ATP10B: variants seen among roughly 807,000 people sequenced by gnomAD.
ATP10B encodes phospholipid-transporting ATPase VB.
ATP10B carries 122 observed loss-of-function variants against 141.2 expected under a neutral mutation model. That is an observed-to-expected ratio of 0.86 (90% CI 0.75 to 1.00). ATP10B has a LOEUF of 1.00. Among genes scored for constraint, ATP10B ranks in the 50% least tolerant of loss-of-function variants. The pLI, the probability that ATP10B is intolerant of heterozygous loss-of-function variation, is 0.00. For missense variants in ATP10B, 1,876 were observed against 1,825.3 expected (o/e 1.03, Z -0.51); for synonymous variants, 685 against 692.0 (o/e 0.99, Z 0.16).
chr5:160,909,441 T>C, the ATP10B span, among the ~76,000 whole-genome samples: 5 of 152,332 alleles, frequency 3.3e-5, no homozygotes, highest in South Asian at 1.0e-3. Context: ...TGCCATGGTA[T>C]GGTCCCTGAC....
the ATP10B span, among the ~76,000 whole-genome samples, chr5:160,894,623 A>T: frequency 7.2e-5 from 11 of 152,156 alleles, no homozygotes; most frequent in Non-Finnish European, 1.5e-4. Context: ...ACGTTGGAAA[A>T]CACTCTTCAG....
the ATP10B span, among the ~76,000 whole-genome samples, chr5:160,917,353 A>G: frequency 2.7e-4 from 40 of 150,934 alleles, no homozygotes; most frequent in South Asian, 4.6e-3. Flanking sequence ...GTTATCAGAC[A>G]AGGACACAGT....
At chr5:160,605,159 T>C (rs1757311321) in intron 19 of ATP10B, among the ~76,000 whole-genome samples, 1 of 152,188 alleles carries the variant, frequency 6.6e-6, no homozygotes, top group Non-Finnish European at 1.5e-5. Flanking sequence ...CTTCATTCTT[T>C]TCCTGGCCCT....
intron 2 of ATP10B, among the ~76,000 whole-genome samples, chr5:160,765,549 T>C (rs546458193): frequency 6.6e-6 from 1 of 152,284 alleles, no homozygotes; most frequent in Admixed American, 6.5e-5. Context: ...TCTTATCTTA[T>C]ACAAAAATCA....
intron 2 of ATP10B, among the ~76,000 whole-genome samples, chr5:160,765,782 A>G (rs1769359734): frequency 6.6e-6 from 1 of 152,208 alleles, no homozygotes; most frequent in Non-Finnish European, 1.5e-5. Flanking sequence ...ACAGAGTGGG[A>G]GAAAATATTC....
At chr5:160,833,942 T>C (rs1346049560) in intron 1 of ATP10B, among the ~76,000 whole-genome samples, 4 of 152,140 alleles carry the variant, frequency 2.6e-5, no homozygotes, top group South Asian at 2.1e-4. Context: ...GAATATAATA[T>C]ATGCCCTGTG....
chr5:160,829,087 T>G, intron 1 of ATP10B, among the ~76,000 whole-genome samples: 1 of 147,898 alleles, frequency 6.8e-6, no homozygotes, highest in Admixed American at 6.7e-5. Flanking sequence ...GGGATAGCAT[T>G]AGGAGATATA....
rs199654956 is a variant in ATP10B at position 160,615,942 on chromosome 5, C to T, written c.2549G>A (p.Arg850Gln). 4.3e-5 allele frequency: 70 copies of T among 1,613,794 alleles called. No homozygotes were observed. The highest frequency in any genetic ancestry group is 9.3e-5 in the African/African-American group (7 of 75,028). Reference sequence around the variant, plus strand: ...CTCACGCCGGAAACTGGCCCATCTCCGGAAGTCCTCTTCGCTTACAACCTA... The same window carrying T: ...CTCACGCCGGAAACTGGCCCATCTCTGGAAGTCCTCTTCGCTTACAACCTA... ...AKKVVSEEDFRRWASFRREAE... is the reference protein window; with the variant it reads ...AKKVVSEEDFQRWASFRREAE... The change falls in exon 17 of 26, where the codon CGG (arginine) becomes CAG (glutamine). Residue 850 changes from arginine (R) to glutamine (Q), a missense_variant. By Grantham distance (43) the Arg-to-Gln change is conservative. Coordinates refer to ENST00000327245, the MANE Select transcript of ATP10B (RefSeq NM_025153.3).
chr5:160,828,448 A>T (rs1774801687), intron 1 of ATP10B, among the ~76,000 whole-genome samples: 2 of 152,262 alleles, frequency 1.3e-5, no homozygotes, highest in Admixed American at 1.3e-4. Context: ...CAAAAGACAC[A>T]TAAAAAAATG....
the ATP10B span, among the ~76,000 whole-genome samples, chr5:160,910,454 C>A: frequency 1.6e-4 from 25 of 152,250 alleles, no homozygotes; most frequent in African/African-American, 3.4e-4. Context: ...GCCCCTATAT[C>A]GAGAACAAAG....
intron 2 of ATP10B, among the ~76,000 whole-genome samples, chr5:160,782,342 C>T (rs1324720528): frequency 1.3e-5 from 2 of 152,006 alleles, no homozygotes; most frequent in Non-Finnish European, 2.9e-5. Context: ...TCTGCAATAA[C>T]AGCAGTTTTC....
At chr5:160,746,396 CT>C (rs11365545) in intron 2 of ATP10B, among the ~76,000 whole-genome samples, 32,841 of 145,192 alleles carry the variant, frequency 0.23, 3,756 homozygotes, top group Admixed American at 0.31. Flanking sequence ...TCTTTCTTTC[CT>C]TTTTTTTTTT....
chr5:160,613,569 A>T (rs1757843130), intron 17 of ATP10B, among the ~76,000 whole-genome samples: 1 of 152,200 alleles, frequency 6.6e-6, no homozygotes, highest in Admixed American at 6.5e-5. Context: ...ACTAAAAGCT[A>T]CTTAGGAGGC....
chr5:160,838,401 G>A (rs1775596097), intron 1 of ATP10B, among the ~76,000 whole-genome samples: 1 of 152,130 alleles, frequency 6.6e-6, no homozygotes, highest in South Asian at 2.1e-4. Context: ...TGGTTATCAG[G>A]CAGGGCCAAC....
intron 1 of ATP10B, among the ~76,000 whole-genome samples, chr5:160,808,217 CAAT>C (rs1217306257): frequency 6.6e-6 from 1 of 152,042 alleles, no homozygotes; most frequent in Admixed American, 6.5e-5. Flanking sequence ...TAAGGTGTGA[CAAT>C]AAAATTGTGT....
the ATP10B span, among the ~76,000 whole-genome samples, chr5:160,865,607 C>G: frequency 6.6e-6 from 1 of 151,964 alleles, no homozygotes; most frequent in African/African-American, 2.4e-5. Flanking sequence ...TTCTCCAAAG[C>G]AAACAAAATA....
At chr5:160,569,900 T>A (rs1754768204) in intron 24 of ATP10B, among the ~76,000 whole-genome samples, 1 of 152,216 alleles carries the variant, frequency 6.6e-6, no homozygotes, top group African/African-American at 2.4e-5. Flanking sequence ...CTATTCTGTC[T>A]CACCCCTGCT....
chr5:160,605,119 G>T (rs146724298), intron 19 of ATP10B, among the ~76,000 whole-genome samples: 2 of 152,160 alleles, frequency 1.3e-5, no homozygotes, highest in African/African-American at 2.4e-5. Context: ...GCCATAGTTT[G>T]CCAACCCTTG....
chr5:160,602,607 C>T lies in ATP10B; in HGVS notation c.3333G>A (p.Arg1111=), dbSNP rs201006600. Residue 1111 remains arginine (R), a synonymous_variant, in exon 21 of 26, where the codon AGG becomes AGA. Transcript: ENST00000327245. ...TCTTGTAGAGGTAGTACACCACCATCCTGGCCAGGCGCGAGTAACACCAGT... is the reference window on the plus strand; with the variant it reads ...TCTTGTAGAGGTAGTACACCACCATTCTGGCCAGGCGCGAGTAACACCAGT... ...HGHWCYSRLA[R]MVVYYLYKNV... is the part of the protein sequence containing the mutation. 9.8e-5 allele frequency: 158 copies of T among 1,613,928 alleles called. No homozygotes were observed. The East Asian group carries it at 2.0e-3, about 20-fold the overall frequency.
Sources: allele counts gnomAD v4.1 joint callset (sites outside exome capture counted in the v4.1 genomes callset), GRCh38; gene constraint gnomAD v4.1.1; transcripts MANE v1.5; gene names NCBI Gene and HGNC (gene_info 2026-07-23, HGNC 2026-07-21).